KCNT2: variants seen among roughly 807,000 people sequenced by gnomAD.
KCNT2 encodes potassium sodium-activated channel subfamily T member 2, also known as potassium channel subfamily T member 2.
KCNT2 carries 67 observed loss-of-function variants against 153.8 expected under a neutral mutation model. The observed-to-expected ratio is 0.44, with a 90% confidence interval of 0.36 to 0.53. The LOEUF is 0.53. Ranked by LOEUF, KCNT2 falls within the 20% of genes least tolerant of loss-of-function variation. The pLI, the probability that KCNT2 is intolerant of heterozygous loss-of-function variation, is 0.00. For synonymous variants in KCNT2, 500 were observed against 458.8 expected (o/e 1.09, Z -1.15); for missense variants, 975 against 1,354.8 (o/e 0.72, Z 4.40).
chr1:196,295,560 C>A (rs1159683545), intron 22 of KCNT2, among the ~76,000 whole-genome samples: 1 of 151,378 alleles, frequency 6.6e-6, no homozygotes, highest in African/African-American at 2.4e-5. Context: ...TTTGGCAATC[C>A]CCATTGGGTG....
chr1:196,559,113 G>T lies in KCNT2; in HGVS notation c.95+49102C>A, dbSNP rs926711084. Among the ~76,000 whole-genome samples, 5 of 151,132 alleles carry T rather than the reference G, an allele frequency of 3.3e-5. No individual in the cohort carries two copies. The East Asian group carries it at 9.7e-4, about 29-fold the overall frequency. On this transcript the variant is annotated intron_variant, in intron 1 of 27. Coordinates refer to ENST00000294725, the MANE Select transcript of KCNT2 (RefSeq NM_198503.5). ...CTATGTTGATCTCATTTAAAGCACA[G>T]CTTTTTAAGATCACTTGAAAACAAC...
intron 2 of KCNT2, 62 bp downstream of exon 2, chr1:196,492,200 C>T: frequency 1.5e-6 from 2 of 1,342,112 alleles, no homozygotes; most frequent in Non-Finnish European, 1.9e-6. Context: ...AAAGATCACA[C>T]AGTTGAAATA....
intron 1 of KCNT2, among the ~76,000 whole-genome samples, chr1:196,574,936 C>T (rs79259804): frequency 0.031 from 4,737 of 151,904 alleles, 111 homozygotes; most frequent in South Asian, 0.066. Context: ...AACATGGTGC[C>T]TTCAGTTCAA....
intron 19 of KCNT2, among the ~76,000 whole-genome samples, chr1:196,325,072 G>T (rs146353436): frequency 7.2e-5 from 11 of 152,190 alleles, no homozygotes; most frequent in African/African-American, 2.2e-4. Flanking sequence ...CAAGACTGAA[G>T]ATTGAAAATG....
intron 1 of KCNT2, among the ~76,000 whole-genome samples, chr1:196,581,950 C>A (rs927274282): frequency 6.6e-6 from 1 of 152,046 alleles, no homozygotes; most frequent in African/African-American, 2.4e-5. Context: ...TTATGTCTTT[C>A]ATAAGAAAAT....
chr1:196,284,758 T>C (rs1163180965), intron 23 of KCNT2, among the ~76,000 whole-genome samples: 1 of 152,182 alleles, frequency 6.6e-6, no homozygotes, highest in African/African-American at 2.4e-5. Context: ...TCATCTGACA[T>C]AAGCAGATGG....
chr1:196,515,795 G>C (rs1393267916), intron 1 of KCNT2, among the ~76,000 whole-genome samples: 1 of 152,126 alleles, frequency 6.6e-6, no homozygotes, highest in Non-Finnish European at 1.5e-5. Context: ...AGAAAAGCAA[G>C]ACAGGATGAC....
chr1:196,556,792 T>C (rs905919762), intron 1 of KCNT2, among the ~76,000 whole-genome samples: 1 of 151,442 alleles, frequency 6.6e-6, no homozygotes, highest in African/African-American at 2.4e-5. Context: ...AGAGTACTAT[T>C]TAACCATAAA....
At chr1:196,467,825 A>C in intron 6 of KCNT2, 39 bp from the exon 7 acceptor site, 431 of 1,307,210 alleles carry the variant, frequency 3.3e-4, no homozygotes, top group Non-Finnish European at 4.4e-4. Flanking sequence ...CTTTTATCTC[A>C]AAGCAATAAA....
chr1:196,370,298 G>A (rs899902271), intron 14 of KCNT2, among the ~76,000 whole-genome samples: 6 of 152,016 alleles, frequency 3.9e-5, no homozygotes, highest in Non-Finnish European at 7.4e-5. Context: ...TCTGAAAAAT[G>A]AGGAAAAAAA....
chr1:196,524,494 C>T (rs1653915764), intron 1 of KCNT2, among the ~76,000 whole-genome samples: 1 of 152,094 alleles, frequency 6.6e-6, no homozygotes, highest in South Asian at 2.1e-4. Context: ...TCACTAATGC[C>T]ATATTACATA....
rs186666684 is a variant in KCNT2 at position 196,384,622 on chromosome 1, G to T, written c.1295-11374C>A. Among the ~76,000 whole-genome samples the T allele has an allele frequency of 1.9e-3, 283 of 147,758 alleles. 1 individual carries two copies. The highest frequency in any genetic ancestry group is 2.4e-3 in the Non-Finnish European group (163 of 67,486). On this transcript the variant is annotated intron_variant, in intron 13 of 27. Coordinates refer to ENST00000294725, the MANE Select transcript of KCNT2 (RefSeq NM_198503.5). ...GGAGGCTGAGGTAGGAGAATCGCTT[G>T]AACCCAGGAGGCGAAGGTTGCAGTG...
intron 1 of KCNT2, among the ~76,000 whole-genome samples, chr1:196,573,514 A>G (rs1661011843): frequency 6.6e-6 from 1 of 151,972 alleles, no homozygotes; most frequent in Non-Finnish European, 1.5e-5. Context: ...TTGATGAGCT[A>G]CTCTGTAGAA....
chr1:196,589,454 A>T (rs945305420), intron 1 of KCNT2, among the ~76,000 whole-genome samples: 1 of 152,106 alleles, frequency 6.6e-6, no homozygotes, highest in East Asian at 1.9e-4. Flanking sequence ...TAATAAAATT[A>T]TTTGAATAGT....
At chr1:196,240,086 T>C (rs368443595) in intron 26 of KCNT2, among the ~76,000 whole-genome samples, 5 of 152,068 alleles carry the variant, frequency 3.3e-5, no homozygotes, top group African/African-American at 9.7e-5. Flanking sequence ...CTGTGGTATT[T>C]TTTTATGGCA....
intron 1 of KCNT2, among the ~76,000 whole-genome samples, chr1:196,557,706 T>A (rs1247367019): frequency 6.6e-6 from 1 of 151,244 alleles, no homozygotes; most frequent in Non-Finnish European, 1.5e-5. Flanking sequence ...TATGCAAAAA[T>A]AAAAGTATAG....
intron 26 of KCNT2, among the ~76,000 whole-genome samples, chr1:196,254,972 T>C (rs1433854922): frequency 6.6e-6 from 1 of 151,626 alleles, no homozygotes; most frequent in Non-Finnish European, 1.5e-5. Flanking sequence ...TTACTAACAG[T>C]ATGAAATTTA....
intron 14 of KCNT2, among the ~76,000 whole-genome samples, chr1:196,370,480 G>C (rs1668426694): frequency 1.3e-5 from 2 of 152,138 alleles, no homozygotes; most frequent in Admixed American, 1.3e-4. Flanking sequence ...CTTGGGAATT[G>C]TATTAGTCAG....
At chr1:196,524,225 A>G (rs190267703) in intron 1 of KCNT2, among the ~76,000 whole-genome samples, 1 of 152,342 alleles carries the variant, frequency 6.6e-6, no homozygotes, top group African/African-American at 2.4e-5. Context: ...CTGGGCAGCC[A>G]TCCTTAAATT....
Sources: gnomAD v4.1 joint callset for allele counts (sites outside exome capture counted in the v4.1 genomes callset) on GRCh38, gnomAD v4.1.1 for gene constraint, MANE v1.5 for transcripts, NCBI Gene and HGNC (gene_info 2026-07-23, HGNC 2026-07-21) for gene names.